The following C1orf87 variants were observed in gnomAD, a reference collection of about 807,000 sequenced individuals.
C1orf87 encodes the protein chromosome 1 open reading frame 87.
In C1orf87, 58 loss-of-function variants were observed where a neutral mutation model predicts 60.5. The observed-to-expected ratio is 0.96, with a 90% CI of 0.78 to 1.19. The LOEUF is 1.19. C1orf87 is among the 50% of genes most tolerant of loss of function. The probability of loss-of-function intolerance (pLI) is 0.00; values close to 1 mark genes in which losing one functional copy is unlikely to be tolerated. For missense variants in C1orf87, 673 were observed against 638.6 expected (o/e 1.05, Z -0.58); for synonymous variants, 236 against 227.4 (o/e 1.04, Z -0.34).
rs776238844 is a variant in C1orf87, at chr1:59,997,730, C to T, written c.1359G>A (p.Arg453=). The T allele has an allele frequency of 4.3e-6, 7 of 1,613,824 alleles. No homozygotes were observed. Among genetic ancestry groups the T allele is most frequent in the Non-Finnish European group, 5.9e-6 (7 of 1,179,912 alleles). ...CKDPLKPLKI[R]PVSQPFVNPA... Reference sequence around the variant, plus strand: ...GATTCACGAAGGGCTGGGAGACTGGCCTGATCTTTAAAGGTTTCAGAGGAT... The same window carrying T: ...GATTCACGAAGGGCTGGGAGACTGGTCTGATCTTTAAAGGTTTCAGAGGAT... The change falls in exon 11 of 12, where the codon AGG becomes AGA. Residue 453 remains arginine, a synonymous_variant. Coordinates refer to ENST00000371201, the MANE Select transcript of C1orf87 (RefSeq NM_152377.3).
chr1:60,021,620 C>G (rs998216863), intron 8 of C1orf87, among the ~76,000 whole-genome samples: 1 of 152,150 alleles, frequency 6.6e-6, no homozygotes, highest in African/African-American at 2.4e-5. Flanking sequence ...TTATTGAGAA[C>G]CTACTATGTG....
At position 60,040,126 on chromosome 1, in the gene C1orf87, G is replaced by C. The variant is rs752693185; in HGVS notation, c.538C>G (p.Leu180Val). ...TTNEDAFLLA[L>V]VRRELKSRPL... ...CGTGACTTGAGTTCTCTTCTGACCA[G>C]GGCAAGAAGAAAAGCGTCTTCATTT... Residue 180 changes from leucine (L) to valine (V), a missense_variant, in exon 5 of 12, where the codon CTG becomes GTG. Physicochemically the swap from Leu to Val is conservative, Grantham distance 32. Coordinates refer to ENST00000371201, the MANE Select transcript of C1orf87 (RefSeq NM_152377.3). 1.2e-6 allele frequency: 2 copies of C among 1,614,064 alleles called. No homozygotes were observed.
At chr1:60,067,764 T>C (rs1253142345) in intron 2 of C1orf87, among the ~76,000 whole-genome samples, 2 of 152,110 alleles carry the variant, frequency 1.3e-5, no homozygotes, top group Non-Finnish European at 2.9e-5. Context: ...TTGTTGTAAT[T>C]GCTTTTGGTA....
chr1:60,018,534 A>G (rs11805290), intron 8 of C1orf87, among the ~76,000 whole-genome samples: 2,292 of 152,056 alleles, frequency 0.015, 47 homozygotes, highest in African/African-American at 0.053. Flanking sequence ...TAATCAACAA[A>G]TATCTATTGA....
At chr1:60,015,814 C>T (rs1386102034) in intron 8 of C1orf87, among the ~76,000 whole-genome samples, 2 of 152,160 alleles carry the variant, frequency 1.3e-5, no homozygotes, top group South Asian at 2.1e-4. Context: ...TGCAGTGGCA[C>T]GATCTCAGCT....
chr1:59,996,321 T>C (rs1644963737), intron 11 of C1orf87, among the ~76,000 whole-genome samples: 1 of 152,178 alleles, frequency 6.6e-6, no homozygotes, highest in Admixed American at 6.5e-5. Flanking sequence ...TGCTCCCTCT[T>C]TTCCCAGCAC....
intron 2 of C1orf87, among the ~76,000 whole-genome samples, chr1:60,063,228 T>A (rs929282550): frequency 1.3e-5 from 2 of 152,172 alleles, no homozygotes; most frequent in Non-Finnish European, 2.9e-5. Flanking sequence ...TAAACAAAGA[T>A]AAGGCTTATT....
intron 9 of C1orf87, among the ~76,000 whole-genome samples, chr1:60,008,039 A>C (rs995422090): frequency 6.6e-6 from 1 of 152,034 alleles, no homozygotes; most frequent in Non-Finnish European, 1.5e-5. Context: ...CTCAGTGCTT[A>C]AGAGCATTTA....
intron 3 of C1orf87, among the ~76,000 whole-genome samples, chr1:60,045,971 C>A (rs902096994): frequency 1.3e-5 from 2 of 152,046 alleles, no homozygotes; most frequent in African/African-American, 4.8e-5. Context: ...GTTTAAAATC[C>A]CCCTGTTGTC....
chr1:60,032,441 T>G (rs925063686), intron 7 of C1orf87, among the ~76,000 whole-genome samples: 1 of 143,640 alleles, frequency 7.0e-6, no homozygotes, highest in African/African-American at 2.6e-5. Context: ...GGTTTTTTTT[T>G]TTTTTTTTTT....
intron 2 of C1orf87, among the ~76,000 whole-genome samples, chr1:60,071,794 T>C (rs1366332565): frequency 6.6e-6 from 1 of 152,202 alleles, no homozygotes; most frequent in Admixed American, 6.5e-5. Context: ...CTTTGTATAT[T>C]TGTTCAGTCT....
At chr1:60,053,092 A>T (rs975386247) in intron 3 of C1orf87, among the ~76,000 whole-genome samples, 2 of 152,370 alleles carry the variant, frequency 1.3e-5, no homozygotes, top group Admixed American at 1.3e-4. Context: ...TACCTAATGA[A>T]CATGCTACCT....
intron 8 of C1orf87, among the ~76,000 whole-genome samples, chr1:60,012,178 G>GA (rs141797847): frequency 0.17 from 25,517 of 147,056 alleles, 2,249 homozygotes; most frequent in African/African-American, 0.2. Flanking sequence ...ACGCTTTGAT[G>GA]AAAAAAAAAA....
At chr1:60,049,676 A>G (rs554379831) in intron 3 of C1orf87, among the ~76,000 whole-genome samples, 1 of 152,208 alleles carries the variant, frequency 6.6e-6, no homozygotes, top group African/African-American at 2.4e-5. Flanking sequence ...CTTATCCCAG[A>G]TGATAGAAGA....
intron 3 of C1orf87, among the ~76,000 whole-genome samples, chr1:60,054,674 A>G (rs1645440000): frequency 6.6e-6 from 1 of 152,214 alleles, no homozygotes; most frequent in Non-Finnish European, 1.5e-5. Context: ...TTTTAATTAC[A>G]AACTACTAAT....
intron 2 of C1orf87, 90 bp from the exon 3 acceptor site, chr1:60,055,528 G>A (rs1645448627): frequency 1.8e-6 from 2 of 1,123,070 alleles, no homozygotes; most frequent in South Asian, 1.4e-5. Flanking sequence ...GTTTGGTGTT[G>A]TGAACAGTAG....
chr1:60,022,607 C>A (rs1315422996), intron 8 of C1orf87, among the ~76,000 whole-genome samples: 2 of 152,034 alleles, frequency 1.3e-5, no homozygotes, highest in African/African-American at 4.8e-5. Context: ...CACAATTGTA[C>A]AAATAGATTT....
In C1orf87 at chr1:60,033,582, A is replaced by C. The variant is rs1190897558; in HGVS notation, c.923T>G (p.Leu308Trp). 2.5e-6 allele frequency: 4 copies of C among 1,613,482 alleles called. No individual in the cohort carries two copies. In the South Asian group the frequency reaches 4.4e-5, roughly 18 times the overall value. ...PEVNRSLLEILKMALRTTNGR... is the reference protein window; with the variant it reads ...PEVNRSLLEIWKMALRTTNGR... Reference sequence around the variant, plus strand: ...ATTGGTTGTCCTTAGTGCCATCTTCAAAATCTCCAACAGACTCCTGTTCAC... The same window carrying C: ...ATTGGTTGTCCTTAGTGCCATCTTCCAAATCTCCAACAGACTCCTGTTCAC... The change falls in exon 7 of 12, where the codon TTG becomes TGG. Residue 308 changes from leucine (L) to tryptophan (W), a missense_variant. Physicochemically the swap from Leu to Trp is moderately conservative, Grantham distance 61. Coordinates refer to ENST00000371201, the MANE Select transcript of C1orf87 (RefSeq NM_152377.3).
intron 8 of C1orf87, among the ~76,000 whole-genome samples, chr1:60,013,317 G>A (rs1228212453): frequency 1.3e-5 from 2 of 151,570 alleles, no homozygotes; most frequent in African/African-American, 2.4e-5. Context: ...TTTTCTTCTT[G>A]GTTATTTTTC....
Sources: allele counts gnomAD v4.1 joint callset (sites outside exome capture counted in the v4.1 genomes callset), GRCh38; gene constraint gnomAD v4.1.1; transcripts MANE v1.5; gene names NCBI Gene and HGNC (gene_info 2026-07-23, HGNC 2026-07-21).